The following SMARCAD1 variants were observed in gnomAD, a reference collection of about 807,000 sequenced individuals.
SMARCAD1 encodes SWI/SNF-related matrix-associated actin-dependent regulator of chromatin subfamily A containing DEAD/H box 1.
A neutral mutation model predicts 127.1 loss-of-function variants in SMARCAD1; 25 were observed. The observed-to-expected ratio is 0.20, with a 90% CI of 0.14 to 0.27. SMARCAD1 has a LOEUF of 0.27. Among genes scored for constraint, SMARCAD1 ranks in the 10% least tolerant of loss-of-function variants. The probability of loss-of-function intolerance (pLI) is 1.00; values close to 1 mark genes in which losing one functional copy is unlikely to be tolerated. For synonymous variants in SMARCAD1, 400 were observed against 396.9 expected (o/e 1.01, Z -0.09); for missense variants, 807 against 1,206.0 (o/e 0.67, Z 4.90).
chr4:94,287,584 GC>G (rs1321616621), intron 23 of SMARCAD1, among the ~76,000 whole-genome samples: 3 of 152,058 alleles, frequency 2.0e-5, no homozygotes, highest in Non-Finnish European at 4.4e-5. Context: ...AAATTCCCAA[GC>G]CCCATTCTAT....
chr4:94,239,343 C>T lies in SMARCAD1; in HGVS notation c.605-1563C>T, dbSNP rs571451563. Among the ~76,000 whole-genome samples the T allele has an allele frequency of 2.8e-4, 35 of 123,178 alleles. No homozygotes were observed. The Middle Eastern group carries it at 0.012, about 41-fold the overall frequency. 80.8% of individuals were successfully genotyped at this position (123,178 alleles called of 152,430 possible). A position where few individuals can be genotyped will look rare whatever the true frequency, so the allele number is the denominator to read the frequency against. ...ACAGATCCAGAAATTGTGACAGTTC[C>T]CATTGTTTCTTTTAACCACAAATTG... On this transcript the variant is annotated intron_variant, in intron 5 of 23. Coordinates refer to ENST00000354268, the MANE Select transcript of SMARCAD1 (RefSeq NM_020159.5).
intron 5 of SMARCAD1, among the ~76,000 whole-genome samples, chr4:94,240,294 C>T (rs1747379190): frequency 6.6e-6 from 1 of 152,180 alleles, no homozygotes; most frequent in Non-Finnish European, 1.5e-5. Context: ...AGTTTGTTTT[C>T]TTCCAGTCAC....
intron 4 of SMARCAD1, 34 bp from the exon 5 acceptor site, chr4:94,236,918 G>C: frequency 6.5e-7 from 1 of 1,538,994 alleles, no homozygotes; most frequent in African/African-American, 1.4e-5. Flanking sequence ...TTAAAGTGCT[G>C]ATTTAAAACA....
At chr4:94,237,692 C>T (rs1421404454) in intron 5 of SMARCAD1, among the ~76,000 whole-genome samples, 6 of 152,052 alleles carry the variant, frequency 3.9e-5, no homozygotes, top group Admixed American at 3.3e-4. Context: ...TATTGGTTTA[C>T]ATCTTTTAAA....
intron 16 of SMARCAD1, among the ~76,000 whole-genome samples, 190 bp downstream of exon 16, chr4:94,277,349 C>T (rs1220751392): frequency 6.6e-6 from 1 of 151,912 alleles, no homozygotes; most frequent in Non-Finnish European, 1.5e-5. Context: ...ATAGCAATTT[C>T]CCTAATCAAT....
chr4:94,286,092 A>G (rs1203725495), intron 23 of SMARCAD1, among the ~76,000 whole-genome samples: 1 of 152,224 alleles, frequency 6.6e-6, no homozygotes, highest in Non-Finnish European at 1.5e-5. Flanking sequence ...AAAATTAACT[A>G]TAAGTCTTTT....
At chr4:94,270,939 T>G (rs1752460052) in intron 11 of SMARCAD1, 121 bp downstream of exon 11, 2 of 760,706 alleles carry the variant, frequency 2.6e-6, no homozygotes, top group African/African-American at 3.5e-5. Context: ...CCTCAGTACC[T>G]TATATTTTAT....
At chr4:94,248,284 G>C (rs754363218) in intron 6 of SMARCAD1, among the ~76,000 whole-genome samples, 2 of 152,080 alleles carry the variant, frequency 1.3e-5, no homozygotes, top group Non-Finnish European at 2.9e-5. Flanking sequence ...TTATGACTTA[G>C]TGATATTCCA....
rs2125993669 is a variant in SMARCAD1, at chr4:94,278,521, A to G, written c.2178+4A>G. On this transcript the variant is annotated splice_donor_region_variant and intron_variant, in intron 17 of 23. Coordinates refer to ENST00000354268, the MANE Select transcript of SMARCAD1 (RefSeq NM_020159.5). ...TCTCAGAAGAGTAAAAGAAGAGGTA[A>G]TGCATATCTACATGTTTTTTATTTT... 1 of 1,609,730 alleles carries G rather than the reference A, an allele frequency of 6.2e-7. No homozygotes were observed. The highest frequency in any genetic ancestry group is 1.7e-5 in the Admixed American group (1 of 59,974).
intron 3 of SMARCAD1, among the ~76,000 whole-genome samples, chr4:94,227,381 AG>A (rs1283805930): frequency 1.3e-5 from 2 of 152,202 alleles, no homozygotes; most frequent in African/African-American, 2.4e-5. Flanking sequence ...GATGTTTAAA[AG>A]GTCTTAATGA....
intron 9 of SMARCAD1, among the ~76,000 whole-genome samples, chr4:94,259,224 A>G (rs1252941977): frequency 6.6e-6 from 1 of 152,208 alleles, no homozygotes; most frequent in Non-Finnish European, 1.5e-5. Context: ...CAACAGAGTT[A>G]GAAGAATCCT....
intron 20 of SMARCAD1, 98 bp from the exon 21 acceptor site, chr4:94,281,374 A>G: frequency 1.2e-6 from 1 of 854,602 alleles, no homozygotes; most frequent in South Asian, 1.4e-5. Flanking sequence ...AAATTTATCA[A>G]CATGATATAA....
At chr4:94,240,794 A>G in intron 5 of SMARCAD1, 112 bp from the exon 6 acceptor site, 1 of 752,390 alleles carries the variant, frequency 1.3e-6, no homozygotes, top group Non-Finnish European at 2.4e-6. Flanking sequence ...TGGGCCTGAT[A>G]TCAAGAGAAC....
chr4:94,244,831 C>T (rs888769961), intron 6 of SMARCAD1, among the ~76,000 whole-genome samples: 2 of 151,814 alleles, frequency 1.3e-5, no homozygotes, highest in African/African-American at 2.4e-5. Context: ...AGAATTCAAC[C>T]TATGTCACAT....
intron 6 of SMARCAD1, among the ~76,000 whole-genome samples, chr4:94,247,366 C>G (rs1748597546): frequency 6.6e-6 from 1 of 152,118 alleles, no homozygotes; most frequent in South Asian, 2.1e-4. Flanking sequence ...TGTGTAACCT[C>G]CTGGACCACA....
intron 2 of SMARCAD1, among the ~76,000 whole-genome samples, chr4:94,215,540 G>A (rs1743031666): frequency 6.7e-6 from 1 of 149,220 alleles, no homozygotes; most frequent in South Asian, 2.1e-4. Context: ...AGAATTGATT[G>A]AGCCCAGGAG....
chr4:94,249,765 C>A lies in SMARCAD1; in HGVS notation c.807+10C>A. On this transcript the variant is annotated intron_variant, in intron 7 of 23. Transcript: ENST00000354268. ...CAATTTTGATAAACAGGTGAGTAGT[C>A]GTGTATGAAAATTTAATCAGTGTGT... The A allele has an allele frequency of 2.7e-6, 4 of 1,466,466 alleles. No individual in the cohort carries two copies. The highest frequency in any genetic ancestry group is 3.8e-6 in the Non-Finnish European group (4 of 1,046,422). 90.8% of individuals were successfully genotyped at this position (1,466,466 alleles called of 1,614,324 possible).
intron 12 of SMARCAD1, among the ~76,000 whole-genome samples, chr4:94,274,503 G>C (rs1432727612): frequency 6.6e-6 from 1 of 152,058 alleles, no homozygotes; most frequent in Non-Finnish European, 1.5e-5. Context: ...TTTTAGTGGA[G>C]ATGGGGTTTC....
chr4:94,253,178 T>A, intron 9 of SMARCAD1, 171 bp downstream of exon 9: 1 of 1,502,970 alleles, frequency 6.7e-7, no homozygotes, highest in East Asian at 2.4e-5. Flanking sequence ...TAGTGTCATA[T>A]GACCTAATTT....
Sources: allele counts gnomAD v4.1 joint callset (sites outside exome capture counted in the v4.1 genomes callset), GRCh38; gene constraint gnomAD v4.1.1; transcripts MANE v1.5; gene names NCBI Gene and HGNC (gene_info 2026-07-23, HGNC 2026-07-21).